Variants in ITGBL1 observed in about 807,000 individuals in gnomAD.
ITGBL1 encodes the protein integrin subunit beta like 1.
In ITGBL1, 51 loss-of-function variants were observed where a neutral mutation model predicts 68.5. The ratio of observed to expected loss-of-function variants is 0.74; its 90% CI spans 0.59 to 0.94. The LOEUF (loss-of-function observed/expected upper bound fraction) is 0.94. Among genes scored for constraint, ITGBL1 ranks in the 40% least tolerant of loss-of-function variants. ITGBL1 has a pLI of 0.00. For synonymous variants in ITGBL1, 209 were observed against 227.3 expected (o/e 0.92, Z 0.72); for missense variants, 649 against 647.4 (o/e 1.00, Z -0.03).
In ITGBL1 at chr13:101,605,164, G is replaced by A. The variant is rs993177209; in HGVS notation, c.1015+6865G>A. 1.2e-4 allele frequency among the ~76,000 whole-genome samples: 9 copies of A among 73,498 alleles called. 1 individual carries two copies. In the South Asian group the frequency reaches 3.8e-3, roughly 31 times the overall value. 48.2% of individuals were successfully genotyped at this position (73,498 alleles called of 152,430 possible). A position where few individuals can be genotyped will look rare whatever the true frequency, so the allele number is the denominator to read the frequency against. ...TATATATACATATGTGTGTGTATATGCGTATATATGCACATATAGACATAG... is the reference window on the plus strand; with the variant it reads ...TATATATACATATGTGTGTGTATATACGTATATATGCACATATAGACATAG... On this transcript the variant is annotated intron_variant, in intron 7 of 10. Transcript: ENST00000376180.
At position 101,605,305 on chromosome 13, in the gene ITGBL1, G is replaced by A. The variant is rs116377776; in HGVS notation, c.1015+7006G>A. Among the ~76,000 whole-genome samples the A allele has an allele frequency of 3.6e-3, 386 of 108,242 alleles. 13 individuals carry two copies. Among genetic ancestry groups the A allele is most frequent in the African/African-American group, 0.013 (375 of 29,564 alleles). 71.0% of individuals were successfully genotyped at this position (108,242 alleles called of 152,430 possible). On this transcript the variant is annotated intron_variant, in intron 7 of 10. Coordinates refer to ENST00000376180, the MANE Select transcript of ITGBL1 (RefSeq NM_004791.3). ...ATATGCGTATATATACACATATATA[G>A]GCATGTATATATGCATATGCGTATA...
intron 7 of ITGBL1, among the ~76,000 whole-genome samples, chr13:101,675,679 A>G (rs568693266): frequency 2.6e-5 from 4 of 152,280 alleles, no homozygotes; most frequent in Non-Finnish European, 5.9e-5. Context: ...GGACTTCAAC[A>G]TATAAATTTA....
chr13:101,549,577 G>C (rs1047101991), intron 2 of ITGBL1, among the ~76,000 whole-genome samples: 3 of 151,948 alleles, frequency 2.0e-5, no homozygotes, highest in African/African-American at 2.4e-5. Context: ...TAATGAAAAT[G>C]TTCAAGACTC....
Position 101,453,947 on chromosome 13 carries a change from G to GA in ITGBL1, c.163_164insA (p.Gly55GlufsTer26). The stretch of plus-strand genomic sequence containing the variant: ...GTCGGAGCGACGCTGCCGCGCACCT[G>GA]GGCAGCCCCCGGGGGCCGCGCTGTG... On this transcript the variant is annotated frameshift_variant, in exon 2 of 11. Transcript: ENST00000376180. LOFTEE classifies it high-confidence loss of function. 1.4e-6 allele frequency: 2 copies of GA among 1,476,288 alleles called. No homozygotes were observed. Among genetic ancestry groups the GA allele is most frequent in the Admixed American group, 2.2e-5 (1 of 44,572 alleles). The allele number at this position is 1,476,288 out of a possible 1,614,324, so 91.4% of individuals were successfully genotyped here.
intron 7 of ITGBL1, among the ~76,000 whole-genome samples, chr13:101,612,442 A>G (rs1314301314): frequency 1.3e-5 from 2 of 152,168 alleles, no homozygotes; most frequent in Non-Finnish European, 2.9e-5. Flanking sequence ...TGCCTGGTAA[A>G]GTCTCTCCTA....
At chr13:101,503,194 G>T (rs1207233408) in intron 2 of ITGBL1, among the ~76,000 whole-genome samples, 1 of 152,140 alleles carries the variant, frequency 6.6e-6, no homozygotes, top group Non-Finnish European at 1.5e-5. Context: ...TAAGATTGAG[G>T]CAAAAGGATC....
intron 7 of ITGBL1, among the ~76,000 whole-genome samples, chr13:101,652,991 G>T (rs1433886410): frequency 6.6e-6 from 1 of 152,112 alleles, no homozygotes; most frequent in East Asian, 1.9e-4. Context: ...AGCTACTCGG[G>T]AGGCTGAAGC....
At position 101,481,002 on chromosome 13, in the gene ITGBL1, ATGTGTGTGTG is replaced by A. The variant is rs71121195; in HGVS notation, c.316+26928_316+26937del. 1.7e-3 allele frequency among the ~76,000 whole-genome samples: 250 copies of A among 143,282 alleles called. 2 individuals are homozygous for A. Among genetic ancestry groups the A allele is most frequent in the African/African-American group, 5.1e-3 (195 of 38,406 alleles). The allele number at this position is 143,282 out of a possible 152,430, so 94.0% of individuals were successfully genotyped here. A position where few individuals can be genotyped will look rare whatever the true frequency, so the allele number is the denominator to read the frequency against. On this transcript the variant is annotated intron_variant, in intron 2 of 10. Transcript: ENST00000376180. ...AGGGAGCCTTTTAATGCCAAAAGATATGTGTGTGTGTGTGTGTGTGTGTGTGTGTGTGTGT... is the reference window on the plus strand; with the variant it reads ...AGGGAGCCTTTTAATGCCAAAAGATATGTGTGTGTGTGTGTGTGTGTGTGT...
At chr13:101,601,844 C>T (rs561992542) in intron 7 of ITGBL1, among the ~76,000 whole-genome samples, 2 of 152,024 alleles carry the variant, frequency 1.3e-5, no homozygotes, top group Non-Finnish European at 2.9e-5. Context: ...CTGAGGAGTG[C>T]TTTACTTCCA....
chr13:101,638,667 G>A (rs138429967), intron 7 of ITGBL1, among the ~76,000 whole-genome samples: 1 of 151,990 alleles, frequency 6.6e-6, no homozygotes, highest in Non-Finnish European at 1.5e-5. Context: ...GATCTCATAA[G>A]ATTTATTCAC....
chr13:101,624,736 A>G (rs2031711175), intron 7 of ITGBL1, among the ~76,000 whole-genome samples: 1 of 152,164 alleles, frequency 6.6e-6, no homozygotes, highest in Non-Finnish European at 1.5e-5. Context: ...GGAGCCACCC[A>G]CAGATTCCCT....
intron 9 of ITGBL1, chr13:101,712,861 A>T (rs937139445): frequency 6.6e-6 from 1 of 152,182 alleles, no homozygotes; most frequent in South Asian, 2.1e-4. Context: ...TGATGAGACC[A>T]CAAGGGAACC....
At chr13:101,646,079 G>A (rs1042967144) in intron 7 of ITGBL1, among the ~76,000 whole-genome samples, 3 of 152,298 alleles carry the variant, frequency 2.0e-5, no homozygotes, top group African/African-American at 7.2e-5. Flanking sequence ...AGAGCTGCTG[G>A]ACAGTATCCA....
chr13:101,706,567 T>G (rs1761795721), intron 8 of ITGBL1, among the ~76,000 whole-genome samples, 189 bp from the exon 9 acceptor site: 1 of 152,236 alleles, frequency 6.6e-6, no homozygotes, highest in African/African-American at 2.4e-5. Flanking sequence ...ACATTCAAAT[T>G]TATTATGTTA....
intron 3 of ITGBL1, among the ~76,000 whole-genome samples, chr13:101,572,969 A>G (rs140603111): frequency 6.6e-6 from 1 of 152,166 alleles, no homozygotes; most frequent in South Asian, 2.1e-4. Flanking sequence ...AACATATGAC[A>G]CAAAGGCTTT....
At chr13:101,650,958 A>G (rs66798084) in intron 7 of ITGBL1, among the ~76,000 whole-genome samples, 48,888 of 151,982 alleles carry the variant, frequency 0.32, 8,784 homozygotes, top group South Asian at 0.46. Context: ...AGCTCCATCC[A>G]TGTCCCTGCA....
intron 8 of ITGBL1, among the ~76,000 whole-genome samples, chr13:101,700,365 C>T (rs765378478): frequency 2.0e-4 from 31 of 152,198 alleles, no homozygotes; most frequent in Admixed American, 8.5e-4. Flanking sequence ...CCCACATATA[C>T]AGGCTCCATC....
intron 7 of ITGBL1, among the ~76,000 whole-genome samples, chr13:101,641,849 G>A (rs2032389339): frequency 1.3e-5 from 2 of 151,052 alleles, no homozygotes; most frequent in African/African-American, 4.9e-5. Context: ...TACTGAGAAT[G>A]ATGATTTCCA....
At chr13:101,685,951 T>C (rs976320116) in intron 7 of ITGBL1, among the ~76,000 whole-genome samples, 16 of 152,092 alleles carry the variant, frequency 1.1e-4, no homozygotes, top group African/African-American at 3.6e-4. Flanking sequence ...TTATATAAGA[T>C]GGTACAGAGA....
Sources: allele counts gnomAD v4.1 joint callset (sites outside exome capture counted in the v4.1 genomes callset), GRCh38; gene constraint gnomAD v4.1.1; transcripts MANE v1.5; gene names NCBI Gene and HGNC (gene_info 2026-07-23, HGNC 2026-07-21).